RNF19A: variants seen among roughly 807,000 people sequenced by gnomAD.
The protein encoded by RNF19A is ring finger protein 19A, RBR E3 ubiquitin protein ligase.
RNF19A carries 32 observed loss-of-function variants against 75.7 expected under a neutral mutation model. That is an observed-to-expected ratio of 0.42 (90% confidence interval 0.32 to 0.57). RNF19A has a LOEUF of 0.57. Ranked by LOEUF, RNF19A falls within the 20% of genes least tolerant of loss-of-function variation. The pLI is 0.10. For missense variants in RNF19A, 782 were observed against 1,036.3 expected (o/e 0.75, Z 3.37); for synonymous variants, 335 against 345.2 (o/e 0.97, Z 0.33).
At position 100,286,215 on chromosome 8, in the gene RNF19A, C is replaced by A. The variant is rs141802682; in HGVS notation, c.674+1286G>T. On this transcript the variant is annotated intron_variant, in intron 2 of 9. Transcript: ENST00000341084. Reference sequence around the variant, plus strand: ...TTCATTATTCCTATTTTCTTCCCACCTTTTTCTTGAAAATTTAGCCCTGCA... The same window carrying A: ...TTCATTATTCCTATTTTCTTCCCACATTTTTCTTGAAAATTTAGCCCTGCA... Among the ~76,000 whole-genome samples, 191 of 152,234 alleles carry A rather than the reference C, an allele frequency of 1.3e-3. 1 individual carries two copies. The East Asian group carries it at 0.021, about 17-fold the overall frequency.
chr8:100,291,820 G>T (rs1660329), intron 1 of RNF19A, among the ~76,000 whole-genome samples: 48,824 of 152,036 alleles, frequency 0.32, 8,547 homozygotes, highest in East Asian at 0.41. Flanking sequence ...AATACTAAAT[G>T]TAAGAGCAGT....
At position 100,317,057 on chromosome 8, in the gene RNF19A, G is replaced by A. The variant is rs2130324308; in HGVS notation, c.-242-3685C>T. On this transcript the variant is annotated intron_variant, in intron 1 of 3. Coordinates refer to the RNF19A transcript ENST00000519527. This position sits in a 1 kb window ranked among gnomAD's most constrained non-coding sequence, Gnocchi z 4.3. ...TTGCCCGGGACCAGCAGCGCTGCCCGGCTACTCTGAGTGCGGGGCCTGCCA... is the reference window on the plus strand; with the variant it reads ...TTGCCCGGGACCAGCAGCGCTGCCCAGCTACTCTGAGTGCGGGGCCTGCCA... Among the ~76,000 whole-genome samples, 1 of 151,854 alleles carries A rather than the reference G, an allele frequency of 6.6e-6. No individual in the cohort carries two copies. Among genetic ancestry groups the A allele is most frequent in the East Asian group, 1.9e-4 (1 of 5,160 alleles).
In RNF19A at chr8:100,331,116, A is replaced by G. The variant is rs1194438629; in HGVS notation, c.-243+4992T>C. Among the ~76,000 whole-genome samples the G allele has an allele frequency of 6.6e-6, 1 of 152,176 alleles. No individual in the cohort carries two copies. The highest frequency in any genetic ancestry group is 2.4e-5 in the African/African-American group (1 of 41,430). On this transcript the variant is annotated intron_variant, in intron 1 of 3. Transcript: ENST00000519527. The surrounding 1 kb of genome is among the most constrained non-coding windows in gnomAD (Gnocchi z 5.2). ...CTAACACATTTATTAAGCACATCCC[A>G]TATGGGTCAGGTGCTGGGCAATTCA... is the stretch of plus-strand genomic sequence containing the variant.
In RNF19A at chr8:100,258,183, T is replaced by G. The variant is rs1446128764; in HGVS notation, c.*373A>C. The G allele has an allele frequency of 4.9e-6, 2 of 409,472 alleles. No individual in the cohort carries two copies. The highest frequency in any genetic ancestry group is 8.6e-6 in the Non-Finnish European group (2 of 233,186). The allele number at this position is 409,472 out of a possible 1,614,324, so 25.4% of individuals were successfully genotyped here. A position where few individuals can be genotyped will look rare whatever the true frequency, so the allele number is the denominator to read the frequency against. ...TCAATAAAATATCACTAACCACTTA[T>G]CCCTAAAGCCTCAAGTTTTCTTCAT... On this transcript the variant is annotated 3_prime_UTR_variant, in exon 10 of 10. Coordinates refer to ENST00000341084, the MANE Select transcript of RNF19A (RefSeq NM_183419.4). This position sits in a 1 kb window ranked among gnomAD's most constrained non-coding sequence, Gnocchi z 4.3.
upstream of RNF19A, among the ~76,000 whole-genome samples, chr8:100,313,126 C>A (rs904719106): frequency 5.3e-5 from 8 of 152,142 alleles, no homozygotes; most frequent in African/African-American, 1.9e-4. Flanking sequence ...CATTTAACAT[C>A]AATTCGATAA....
At chr8:100,278,866 C>A (rs1261142722) in intron 2 of RNF19A, among the ~76,000 whole-genome samples, 1 of 152,004 alleles carries the variant, frequency 6.6e-6, no homozygotes, top group Admixed American at 6.5e-5. Flanking sequence ...TTAAAAATTT[C>A]ATGACAAGTT....
chr8:100,301,187 G>A (rs1193185221), intron 1 of RNF19A, among the ~76,000 whole-genome samples: 1 of 152,128 alleles, frequency 6.6e-6, no homozygotes, highest in Middle Eastern at 3.2e-3. Context: ...CTACCATATT[G>A]GACTGAACAG....
rs1820166658 is a variant in RNF19A at position 100,269,801 on chromosome 8, A to C, written c.1028+68T>G. ...AAGTATCTTATAAAACCCAAATTTA[A>C]GACAAGTTATTTTGTCTTACAATAT... On this transcript the variant is annotated intron_variant, in intron 4 of 9. Coordinates refer to ENST00000341084, the MANE Select transcript of RNF19A (RefSeq NM_183419.4). This position sits in a 1 kb window ranked among gnomAD's most constrained non-coding sequence, Gnocchi z 5.7. The C allele has an allele frequency of 1.6e-6, 2 of 1,278,622 alleles. No homozygotes were observed. The highest frequency in any genetic ancestry group is 3.1e-5 in the African/African-American group (2 of 64,330). 79.2% of individuals were successfully genotyped at this position (1,278,622 alleles called of 1,614,324 possible).
In RNF19A at chr8:100,260,618, A is replaced by G. The variant is rs754191976; in HGVS notation, c.1683-621T>C. ...GTAGTATATACCACTATAACTTAAG[A>G]GTTTGTATTTAAAAGGCAAACTACC... On this transcript the variant is annotated intron_variant, in intron 8 of 9. Transcript: ENST00000341084. The surrounding 1 kb of genome is among the most constrained non-coding windows in gnomAD (Gnocchi z 4.1). Among the ~76,000 whole-genome samples the G allele has an allele frequency of 1.3e-5, 2 of 152,160 alleles. No individual in the cohort carries two copies. The highest frequency in any genetic ancestry group is 2.9e-5 in the Non-Finnish European group (2 of 68,032).
At chr8:100,273,714 T>G (rs945948150) in intron 3 of RNF19A, among the ~76,000 whole-genome samples, 1 of 152,188 alleles carries the variant, frequency 6.6e-6, no homozygotes, top group Non-Finnish European at 1.5e-5. Flanking sequence ...GCAAAAGCAC[T>G]TACTATGAGC....
At chr8:100,308,827 G>A (rs1822168092) in intron 1 of RNF19A, among the ~76,000 whole-genome samples, 1 of 152,138 alleles carries the variant, frequency 6.6e-6, no homozygotes, top group Non-Finnish European at 1.5e-5. Flanking sequence ...AATTGCAACG[G>A]CACTTAAACG....
chr8:100,278,793 G>T, intron 2 of RNF19A, among the ~76,000 whole-genome samples: 1 of 152,030 alleles, frequency 6.6e-6, no homozygotes, highest in South Asian at 2.1e-4. Context: ...AATGAATTAA[G>T]TTTTAAAAAA....
In RNF19A at chr8:100,333,135, G is replaced by T. The variant is rs972568161; in HGVS notation, c.-243+2973C>A. Among the ~76,000 whole-genome samples, 1 of 152,070 alleles carries T rather than the reference G, an allele frequency of 6.6e-6. No homozygotes were observed. Among genetic ancestry groups the T allele is most frequent in the Non-Finnish European group, 1.5e-5 (1 of 68,022 alleles). ...CTTCATAAATGGGGTGGGTTAACAT[G>T]GGAGTGGGTTTGTCACAAAAGTGTG... On this transcript the variant is annotated intron_variant, in intron 1 of 3. Coordinates refer to the RNF19A transcript ENST00000519527. The surrounding 1 kb of genome is among the most constrained non-coding windows in gnomAD (Gnocchi z 4.7).
At position 100,257,768 on chromosome 8, in the gene RNF19A, T is replaced by C. The variant is rs1819523184; in HGVS notation, c.*788A>G. On this transcript the variant is annotated 3_prime_UTR_variant, in exon 10 of 10. Transcript: ENST00000341084. ...CGATCCCAAAGGCACCAAGAATCAA[T>C]GGGGTACAAACTTCCCCTTAGAGAA... is the stretch of plus-strand genomic sequence containing the variant. The C allele has an allele frequency of 2.8e-6, 1 of 362,542 alleles. No individual in the cohort carries two copies. The highest frequency in any genetic ancestry group is 4.9e-6 in the Non-Finnish European group (1 of 203,574). 22.5% of individuals were successfully genotyped at this position (362,542 alleles called of 1,614,324 possible). A position where few individuals can be genotyped will look rare whatever the true frequency, so the allele number is the denominator to read the frequency against.
At chr8:100,267,710 C>T (rs1820050992) in intron 5 of RNF19A, among the ~76,000 whole-genome samples, 1 of 142,384 alleles carries the variant, frequency 7.0e-6, no homozygotes, top group East Asian at 2.1e-4. Flanking sequence ...GAGTTTTGCT[C>T]TTGTTGCCTA....
intron 1 of RNF19A, among the ~76,000 whole-genome samples, chr8:100,290,365 G>C (rs770150816): frequency 2.0e-5 from 3 of 152,200 alleles, no homozygotes; most frequent in Non-Finnish European, 4.4e-5. Flanking sequence ...GCCTCCCAAA[G>C]TGCTGGGATT....
chr8:100,268,962 T>C lies in RNF19A; in HGVS notation c.1029-15A>G, dbSNP rs1396718024. 1.3e-6 allele frequency: 2 copies of C among 1,562,730 alleles called. No individual in the cohort carries two copies. Among genetic ancestry groups the C allele is most frequent in the East Asian group, 4.7e-5 (2 of 42,696 alleles). The stretch of plus-strand genomic sequence containing the variant: ...ATCCTGATGGACTAACGGAAAAAAT[T>C]ATAATGTAAATAACTGCTGCAAAAC... On this transcript the variant is annotated splice_polypyrimidine_tract_variant and intron_variant, in intron 4 of 9. Transcript: ENST00000341084.
At chr8:100,283,602 G>C (rs1820882332) in intron 2 of RNF19A, among the ~76,000 whole-genome samples, 1 of 152,142 alleles carries the variant, frequency 6.6e-6, no homozygotes, top group African/African-American at 2.4e-5. Context: ...GAAACCCCAA[G>C]AGATCTTAAA....
At chr8:100,294,230 T>C (rs924275595) in intron 1 of RNF19A, among the ~76,000 whole-genome samples, 4 of 152,210 alleles carry the variant, frequency 2.6e-5, no homozygotes, top group African/African-American at 9.6e-5. Flanking sequence ...TGAGGACTTT[T>C]ATTATACTGG....
Sources: allele counts gnomAD v4.1 joint callset (sites outside exome capture counted in the v4.1 genomes callset), GRCh38; gene constraint gnomAD v4.1.1; non-coding constraint Gnocchi (gnomAD v3.1); transcripts MANE v1.5; gene names NCBI Gene and HGNC (gene_info 2026-07-23, HGNC 2026-07-21).